Variants in MAEL observed in about 807,000 individuals in gnomAD.
MAEL encodes the protein maelstrom spermatogenic transposon silencer, also known as protein maelstrom homolog.
MAEL carries 46 observed loss-of-function variants against 62.0 expected under a neutral mutation model. The observed-to-expected ratio is 0.74, with a 90% CI of 0.59 to 0.95. The LOEUF is 0.95. Ranked by LOEUF, MAEL falls within the 40% of genes least tolerant of loss-of-function variation. The pLI, the probability that MAEL is intolerant of heterozygous loss-of-function variation, is 0.00. For synonymous variants in MAEL, 172 were observed against 175.5 expected, an observed-to-expected ratio of 0.98 and a Z score of 0.16; for missense variants, 497 against 526.8, an observed-to-expected ratio of 0.94 and a Z score of 0.55.
Position 167,017,956 on chromosome 1 carries a change from C to A in MAEL, c.1038C>A (p.Tyr346Ter). 6.2e-7 allele frequency: 1 copy of A among 1,612,782 alleles called. No individual in the cohort carries two copies. The highest frequency in any genetic ancestry group is 8.5e-7 in the Non-Finnish European group (1 of 1,179,200). The stretch of plus-strand genomic sequence containing the variant: ...TGGTTGTATTGGATGCAGGGCGTTA[C>A]CAGGTAAGGAACTGACTTTTAAGAG... The part of the protein sequence containing the change: ...PKMVVLDAGR[Y>*]QKLRVGSSGF... The change falls in exon 10 of 12, where the codon TAC (tyrosine) becomes TAA (stop). Residue 346 changes from tyrosine (Y) to a stop codon, truncating the protein, a stop_gained. Transcript: ENST00000367872. LOFTEE classifies it high-confidence loss of function.
At chr1:166,981,790 A>G (rs1409911427) in intron 1 of MAEL, among the ~76,000 whole-genome samples, 1 of 152,244 alleles carries the variant, frequency 6.6e-6, no homozygotes, top group Admixed American at 6.5e-5. Context: ...AGAGTCAGCA[A>G]TAAGGCTGGA....
intron 5 of MAEL, among the ~76,000 whole-genome samples, chr1:166,998,839 T>G (rs1289239833): frequency 1.3e-5 from 2 of 152,218 alleles, no homozygotes; most frequent in Non-Finnish European, 2.9e-5. Context: ...GTGTCACATT[T>G]TGGTAATTCT....
At chr1:166,986,436 G>A (rs965796969), upstream of MAEL, among the ~76,000 whole-genome samples, 1 of 152,198 alleles carries the variant, frequency 6.6e-6, no homozygotes, top group African/African-American at 2.4e-5. Flanking sequence ...TGCGTGGAGT[G>A]AGAGAGTCTG....
chr1:166,988,261 T>A (rs1663987668), upstream of MAEL, among the ~76,000 whole-genome samples: 1 of 144,798 alleles, frequency 6.9e-6, no homozygotes, highest in Admixed American at 7.1e-5. Flanking sequence ...AGATGGGAGG[T>A]CCTACTTGAG....
chr1:167,014,628 T>C (rs1665304408), intron 8 of MAEL, among the ~76,000 whole-genome samples: 1 of 152,232 alleles, frequency 6.6e-6, no homozygotes, highest in Non-Finnish European at 1.5e-5. Flanking sequence ...GGAATAAATG[T>C]TTTATTTGTT....
chr1:166,981,260 T>C (rs1663751176), intron 1 of MAEL, among the ~76,000 whole-genome samples: 1 of 152,232 alleles, frequency 6.6e-6, no homozygotes, highest in Admixed American at 6.5e-5. Context: ...ATGATCAATG[T>C]GTACTTGTCT....
chr1:167,007,297 T>G (rs1664955757), intron 8 of MAEL, among the ~76,000 whole-genome samples: 1 of 151,942 alleles, frequency 6.6e-6, no homozygotes, highest in Non-Finnish European at 1.5e-5. Flanking sequence ...CAAGCAGGGG[T>G]TTGTGTGTCC....
chr1:166,993,460 G>A (rs1262055702), intron 4 of MAEL, among the ~76,000 whole-genome samples: 1 of 152,180 alleles, frequency 6.6e-6, no homozygotes, highest in Non-Finnish European at 1.5e-5. Context: ...TATATAGGGA[G>A]AAGAGATTGG....
At chr1:167,003,976 C>T (rs72689332) in intron 5 of MAEL, among the ~76,000 whole-genome samples, 1,742 of 152,268 alleles carry the variant, frequency 0.011, 19 homozygotes, top group Non-Finnish European at 0.017. Flanking sequence ...CATACACACA[C>T]AGACACACAC....
intron 1 of MAEL, among the ~76,000 whole-genome samples, chr1:166,976,644 C>A (rs916718640): frequency 6.6e-6 from 1 of 152,138 alleles, no homozygotes; most frequent in East Asian, 1.9e-4. Context: ...AGGGGGCAGG[C>A]GAGGGCATTC....
intron 1 of MAEL, among the ~76,000 whole-genome samples, chr1:166,983,220 A>C (rs930290169): frequency 6.6e-6 from 1 of 152,168 alleles, no homozygotes; most frequent in Non-Finnish European, 1.5e-5. Flanking sequence ...TATCTATTGA[A>C]TAAATGAACC....
At chr1:166,997,123 G>GC (rs924116483) in intron 5 of MAEL, among the ~76,000 whole-genome samples, 18 of 152,324 alleles carry the variant, frequency 1.2e-4, no homozygotes, top group African/African-American at 4.3e-4. Flanking sequence ...ACCACGCCTG[G>GC]CCCCCCTGGG....
chr1:167,002,578 C>A (rs1413712411), intron 5 of MAEL, among the ~76,000 whole-genome samples: 2 of 152,138 alleles, frequency 1.3e-5, no homozygotes, highest in Non-Finnish European at 2.9e-5. Flanking sequence ...AAGCTGGAGT[C>A]ACTAGCATCT....
upstream of MAEL, among the ~76,000 whole-genome samples, chr1:166,987,510 T>C (rs898701468): frequency 5.9e-5 from 9 of 152,162 alleles, no homozygotes; most frequent in Admixed American, 5.2e-4. Flanking sequence ...GGATATATAT[T>C]TTCATTTTCC....
intron 2 of MAEL, 53 bp downstream of exon 2, chr1:166,989,882 G>C: frequency 1.4e-6 from 2 of 1,418,200 alleles, no homozygotes; most frequent in Non-Finnish European, 2.0e-6. Context: ...GGCATATTCA[G>C]TAAAGGCTGG....
At position 167,021,847 on chromosome 1, in the gene MAEL, T is replaced by G; in HGVS notation, c.1297T>G (p.Leu433Val). 6.2e-7 allele frequency: 1 copy of G among 1,603,042 alleles called. No individual in the cohort carries two copies. Among genetic ancestry groups the G allele is most frequent in the Non-Finnish European group, 8.5e-7 (1 of 1,172,760 alleles). The change falls in exon 12 of 12, where the codon TTA becomes GTA. Residue 433 changes from leucine to valine, a missense_variant. Leu to Val is a conservative substitution (Grantham distance 32). Transcript: ENST00000367872. Reference sequence around the variant, plus strand: ...AGATGGATACAAATCTTTCTCTTCCTTATCTTAATGATGGTACTCTTTTCA... The same window carrying G: ...AGATGGATACAAATCTTTCTCTTCCGTATCTTAATGATGGTACTCTTTTCA... ...QKDGYKSFSSLS is the reference protein window; with the variant it reads ...QKDGYKSFSSVS
chr1:167,008,434 CTTAA>C (rs1289685329), intron 8 of MAEL, among the ~76,000 whole-genome samples: 2 of 151,978 alleles, frequency 1.3e-5, no homozygotes, highest in Non-Finnish European at 2.9e-5. Flanking sequence ...AGTGTGGTCT[CTTAA>C]AATTTTTTTA....
intron 1 of MAEL, among the ~76,000 whole-genome samples, chr1:166,980,422 C>T (rs965075753): frequency 6.6e-6 from 1 of 152,136 alleles, no homozygotes; most frequent in Non-Finnish European, 1.5e-5. Flanking sequence ...TGAATTTGTC[C>T]TCCAGTCTCT....
At chr1:167,015,615 A>C (rs551039968) in intron 8 of MAEL, among the ~76,000 whole-genome samples, 174 of 152,256 alleles carry the variant, frequency 1.1e-3, no homozygotes, top group Non-Finnish European at 2.2e-3. Context: ...GACTTACACA[A>C]ATTATTTCCG....
Sources: allele counts gnomAD v4.1 joint callset (sites outside exome capture counted in the v4.1 genomes callset), GRCh38; gene constraint gnomAD v4.1.1; transcripts MANE v1.5; gene names NCBI Gene and HGNC (gene_info 2026-07-23, HGNC 2026-07-21).